ACYP2: variants seen among roughly 807,000 people sequenced by gnomAD.
ACYP2 encodes the protein acylphosphatase 2.
A neutral mutation model predicts 11.2 loss-of-function variants in ACYP2; 12 were observed. That is an observed-to-expected ratio of 1.08 (90% CI 0.69 to 1.74). ACYP2 has a LOEUF of 1.74. ACYP2 is among the 40% of genes most tolerant of loss of function. The probability of loss-of-function intolerance (pLI) is 0.00; values close to 1 mark genes in which losing one functional copy is unlikely to be tolerated. For missense variants in ACYP2, 134 were observed against 101.9 expected (o/e 1.31, Z -1.35); for synonymous variants, 43 against 32.2 (o/e 1.33, Z -1.13).
intron 6 of ACYP2, chr2:54,255,818 T>G (rs1323452500): frequency 1.2e-6 from 2 of 1,613,984 alleles, no homozygotes; most frequent in Middle Eastern, 1.7e-4. Context: ...AAGCCATTTT[T>G]GAGGCTGCCG....
In ACYP2 at chr2:54,260,813, G is replaced by A. The variant is rs1687744076; in HGVS notation, c.405-43875G>A. Among the ~76,000 whole-genome samples the A allele has an allele frequency of 2.0e-5, 3 of 152,148 alleles. 1 individual carries two copies. Among genetic ancestry groups the A allele is most frequent in the African/African-American group, 4.8e-5 (2 of 41,430 alleles). On this transcript the variant is annotated intron_variant, in intron 6 of 6. Transcript: ENST00000607452. Reference sequence around the variant, plus strand: ...TGAGCCAACAGGCCAGGATGGGAAGGATAGTCTATGTGTATATTGAAATCA... The same window carrying A: ...TGAGCCAACAGGCCAGGATGGGAAGAATAGTCTATGTGTATATTGAAATCA...
intron 6 of ACYP2, among the ~76,000 whole-genome samples, chr2:54,186,803 C>T (rs778801958): frequency 3.6e-4 from 54 of 152,094 alleles, no homozygotes; most frequent in Middle Eastern, 3.4e-3. Context: ...TGTGAGCCAC[C>T]GTACCCGGCC....
chr2:54,230,829 C>CTTTTTTTTTTT (rs34359444), intron 6 of ACYP2, among the ~76,000 whole-genome samples: 3 of 129,420 alleles, frequency 2.3e-5, no homozygotes, highest in South Asian at 2.5e-4. Flanking sequence ...TCTTTCTTTT[C>CTTTTTTTTTTT]TTTTTTTTTT....
At chr2:54,030,251 T>C (rs1573558218) in intron 2 of ACYP2, among the ~76,000 whole-genome samples, 1 of 152,182 alleles carries the variant, frequency 6.6e-6, no homozygotes, top group African/African-American at 2.4e-5. Flanking sequence ...CGAGCTGCCT[T>C]AGACTCTCCA....
chr2:54,289,634 G>T (rs925866389), intron 6 of ACYP2, among the ~76,000 whole-genome samples: 5 of 151,862 alleles, frequency 3.3e-5, no homozygotes, highest in Non-Finnish European at 5.9e-5. Flanking sequence ...TAACACATTT[G>T]TGCCGAAAAA....
At chr2:54,197,465 T>C (rs1684540207) in intron 6 of ACYP2, among the ~76,000 whole-genome samples, 1 of 152,196 alleles carries the variant, frequency 6.6e-6, no homozygotes, top group Non-Finnish European at 1.5e-5. Context: ...GAGGAGCTTA[T>C]AGTCTTGAGG....
At chr2:54,135,430 C>A (rs1301801843) in intron 4 of ACYP2, 23 bp from the exon 2 acceptor site, 1 of 1,602,202 alleles carries the variant, frequency 6.2e-7, no homozygotes, top group Non-Finnish European at 8.5e-7. Context: ...GCTGACAATT[C>A]TTTTTATCTT....
At chr2:54,011,006 C>G (rs1462254819) in intron 2 of ACYP2, among the ~76,000 whole-genome samples, 1 of 151,952 alleles carries the variant, frequency 6.6e-6, no homozygotes, top group Admixed American at 6.6e-5. Flanking sequence ...CTCCTTTATT[C>G]ACTTAAGAGA....
chr2:54,177,353 C>G (rs934461375), intron 6 of ACYP2, among the ~76,000 whole-genome samples: 1 of 152,272 alleles, frequency 6.6e-6, no homozygotes, highest in South Asian at 2.1e-4. Context: ...GGTGTGAGGT[C>G]TTCTCCTAGA....
At chr2:54,083,893 G>A (rs1318582751) in intron 4 of ACYP2, among the ~76,000 whole-genome samples, 1 of 152,128 alleles carries the variant, frequency 6.6e-6, no homozygotes, top group Non-Finnish European at 1.5e-5. Context: ...ACAGTTTTGA[G>A]CGCTCTCTTT....
At chr2:54,149,159 T>A (rs6732104) in intron 6 of ACYP2, among the ~76,000 whole-genome samples, 2,680 of 152,298 alleles carry the variant, frequency 0.018, 75 homozygotes, top group African/African-American at 0.061. Flanking sequence ...AAAAATTTTT[T>A]AAAATGCAAT....
intron 2 of ACYP2, among the ~76,000 whole-genome samples, chr2:54,018,474 A>G (rs72800707): frequency 0.018 from 2,683 of 152,018 alleles, 36 homozygotes; most frequent in South Asian, 0.062. Flanking sequence ...TAATTCAATT[A>G]ATTGTTGCCA....
At chr2:53,993,735 CT>C (rs1672419773) in intron 2 of ACYP2, among the ~76,000 whole-genome samples, 1 of 151,880 alleles carries the variant, frequency 6.6e-6, no homozygotes, top group Admixed American at 6.6e-5. Context: ...AAAAGATAAG[CT>C]ATTTCTGGTA....
chr2:54,136,247 C>T (rs186254482), intron 5 of ACYP2, among the ~76,000 whole-genome samples: 290 of 152,178 alleles, frequency 1.9e-3, no homozygotes, highest in Non-Finnish European at 3.0e-3. Context: ...CACCATATTG[C>T]CTGGGCTGGT....
intron 4 of ACYP2, among the ~76,000 whole-genome samples, chr2:54,098,238 A>T (rs1441331427): frequency 6.6e-6 from 1 of 151,910 alleles, no homozygotes; most frequent in Non-Finnish European, 1.5e-5. Flanking sequence ...CAAAGTGCTG[A>T]GATTATAGGC....
intron 6 of ACYP2, among the ~76,000 whole-genome samples, chr2:54,199,193 C>T (rs2103903559): frequency 6.6e-6 from 1 of 152,308 alleles, no homozygotes; most frequent in Non-Finnish European, 1.5e-5. Flanking sequence ...GTAGATGTAA[C>T]ACTCTTACTT....
At chr2:53,984,080 CCAT>C (rs960297839) in intron 2 of ACYP2, among the ~76,000 whole-genome samples, 1 of 151,916 alleles carries the variant, frequency 6.6e-6, no homozygotes, top group Non-Finnish European at 1.5e-5. Flanking sequence ...ATCATCATCA[CCAT>C]CATCATCATC....
At chr2:54,153,803 A>G (rs1475656942) in intron 6 of ACYP2, among the ~76,000 whole-genome samples, 1 of 151,662 alleles carries the variant, frequency 6.6e-6, no homozygotes, top group Admixed American at 6.6e-5. Flanking sequence ...GGTTTCACTG[A>G]GTTAGCCAGA....
At chr2:54,073,555 T>C (rs1677175122) in intron 4 of ACYP2, among the ~76,000 whole-genome samples, 1 of 152,132 alleles carries the variant, frequency 6.6e-6, no homozygotes, top group Non-Finnish European at 1.5e-5. Context: ...CATTTAAAAT[T>C]TTTGTGTTTC....
Sources: gnomAD v4.1 joint callset for allele counts (sites outside exome capture counted in the v4.1 genomes callset) on GRCh38, gnomAD v4.1.1 for gene constraint, MANE v1.5 for transcripts, NCBI Gene and HGNC (gene_info 2026-07-23, HGNC 2026-07-21) for gene names.